GATAD2B: variants seen among roughly 807,000 people sequenced by gnomAD.
GATAD2B encodes the protein GATA zinc finger domain containing 2B.
Under a neutral mutation model 64.3 loss-of-function variants are expected in GATAD2B, and 8 were observed. The observed-to-expected ratio is 0.12, with a 90% CI of 0.07 to 0.22. The LOEUF is 0.22. Ranked by LOEUF, GATAD2B falls within the 10% of genes least tolerant of loss-of-function variation. GATAD2B has a pLI of 1.00. For synonymous variants in GATAD2B, 281 were observed against 271.3 expected (o/e 1.04, Z -0.35); for missense variants, 453 against 752.0 (o/e 0.60, Z 4.65).
At chr1:153,895,080 C>T (rs948437111) in intron 1 of GATAD2B, among the ~76,000 whole-genome samples, 3 of 151,938 alleles carry the variant, frequency 2.0e-5, no homozygotes, top group African/African-American at 7.3e-5. Flanking sequence ...ATCCCTTGAA[C>T]CTAGGAGGCA....
chr1:153,813,543 G>A, intron 7 of GATAD2B, 91 bp from the exon 8 acceptor site: 1 of 851,040 alleles, frequency 1.2e-6, no homozygotes, highest in Non-Finnish European at 1.9e-6. Context: ...AGTTTATTCT[G>A]TTGAATTAAA....
At chr1:153,848,241 C>T (rs1388692305) in intron 1 of GATAD2B, among the ~76,000 whole-genome samples, 14 of 152,202 alleles carry the variant, frequency 9.2e-5, no homozygotes, top group Admixed American at 8.5e-4. Context: ...TACTCATTGT[C>T]TCTTTCTTCT....
At chr1:153,916,836 T>C (rs1678280573) in intron 1 of GATAD2B, among the ~76,000 whole-genome samples, 2 of 152,082 alleles carry the variant, frequency 1.3e-5, no homozygotes, top group African/African-American at 4.8e-5. Context: ...TGAGAGAGAG[T>C]CTCACTCTGT....
chr1:153,823,950 G>A (rs930397596), intron 2 of GATAD2B, among the ~76,000 whole-genome samples: 1 of 150,212 alleles, frequency 6.7e-6, no homozygotes, highest in Admixed American at 6.6e-5. Context: ...GGCTGGTCTC[G>A]AACTCCTGAC....
intron 1 of GATAD2B, among the ~76,000 whole-genome samples, chr1:153,919,164 A>G (rs1678355889): frequency 6.6e-6 from 1 of 152,196 alleles, no homozygotes; most frequent in Admixed American, 6.5e-5. Context: ...ATATCTCAAA[A>G]GTAACGAATG....
intron 2 of GATAD2B, among the ~76,000 whole-genome samples, chr1:153,823,184 A>G (rs1570933638): frequency 6.6e-6 from 1 of 152,210 alleles, no homozygotes; most frequent in East Asian, 1.9e-4. Flanking sequence ...AAACATATAT[A>G]TAATTTACAA....
Position 153,849,132 on chromosome 1 carries a change from G to A in GATAD2B, c.-1-20784C>T, listed in dbSNP as rs183996461. Among the ~76,000 whole-genome samples, 12 of 152,292 alleles carry A rather than the reference G, an allele frequency of 7.9e-5. No homozygotes were observed. The East Asian group carries it at 1.7e-3, about 22-fold the overall frequency. On this transcript the variant is annotated intron_variant, in intron 1 of 10. Coordinates refer to ENST00000368655, the MANE Select transcript of GATAD2B (RefSeq NM_020699.4). ...ATCCCAGGTAGCTGGGGCTATGGGT[G>A]TATGTCACCGTACCCAGCTTTGGGC... is the stretch of plus-strand genomic sequence containing the variant.
chr1:153,840,853 C>T (rs60341318), intron 1 of GATAD2B, among the ~76,000 whole-genome samples: 8,030 of 151,992 alleles, frequency 0.053, 366 homozygotes, highest in South Asian at 0.17. Flanking sequence ...AGGCCGGGCA[C>T]GGTGGCTCAC....
chr1:153,844,091 AGCAGAGAAAGCT>A (rs1159539339), intron 1 of GATAD2B, among the ~76,000 whole-genome samples: 2 of 152,230 alleles, frequency 1.3e-5, no homozygotes, highest in Non-Finnish European at 2.9e-5. Flanking sequence ...AGAGTATCAC[AGCAGAGAAAGCT>A]GCAGAGAAAG....
intron 1 of GATAD2B, among the ~76,000 whole-genome samples, chr1:153,841,481 A>G (rs945477287): frequency 6.6e-6 from 1 of 152,188 alleles, no homozygotes; most frequent in Non-Finnish European, 1.5e-5. Flanking sequence ...TAACTCCTAG[A>G]AGCCACTAAT....
chr1:153,824,312 C>T (rs1388771689), intron 2 of GATAD2B, among the ~76,000 whole-genome samples: 1 of 151,962 alleles, frequency 6.6e-6, no homozygotes, highest in Admixed American at 6.6e-5. Context: ...TTAAAAATCA[C>T]CCCAAAATAA....
rs1358158324 is a variant in GATAD2B at position 153,852,120 on chromosome 1, T to C, written c.-1-23772A>G. On this transcript the variant is annotated intron_variant, in intron 1 of 10. Coordinates refer to ENST00000368655, the MANE Select transcript of GATAD2B (RefSeq NM_020699.4). The stretch of plus-strand genomic sequence containing the variant: ...AAGTTTAATGAGTTTTGTGCTCAGA[T>C]CGCTGGGCCTCCTGGCTGCTCTTGT... 7.7e-6 allele frequency: 5 copies of C among 646,990 alleles called. No individual in the cohort carries two copies. The African/African-American group carries it at 9.1e-5, about 12-fold the overall frequency. The allele number at this position is 646,990 out of a possible 1,614,324, so 40.1% of individuals were successfully genotyped here.
Position 153,816,084 on chromosome 1 carries a change from AC to A in GATAD2B, c.1216+188del, listed in dbSNP as rs1674472126. Among the ~76,000 whole-genome samples the A allele has an allele frequency of 6.6e-6, 1 of 151,830 alleles. No individual in the cohort carries two copies. The highest frequency in any genetic ancestry group is 1.5e-5 in the Non-Finnish European group (1 of 67,936). The stretch of plus-strand genomic sequence containing the variant: ...AACACACACACACACACACACACAC[AC>A]ACACACACACACACACTCCGCTTCT... On this transcript the variant is annotated intron_variant, in intron 7 of 10. Transcript: ENST00000368655. This position sits in a 1 kb window ranked among gnomAD's most constrained non-coding sequence, Gnocchi z 4.9.
chr1:153,846,271 C>T (rs1397573540), intron 1 of GATAD2B, among the ~76,000 whole-genome samples: 3 of 152,144 alleles, frequency 2.0e-5, no homozygotes, highest in Non-Finnish European at 4.4e-5. Context: ...CTCACTCTGT[C>T]ACCCAGGCTG....
rs1325268939 is a variant in GATAD2B at position 153,807,329 on chromosome 1, G to A, written c.*2848C>T. 1 of 152,058 alleles carries A rather than the reference G, an allele frequency of 6.6e-6. No individual in the cohort carries two copies. The highest frequency in any genetic ancestry group is 2.4e-5 in the African/African-American group (1 of 41,352). The allele number at this position is 152,058 out of a possible 1,614,324, so 9.4% of individuals were successfully genotyped here. A position where few individuals can be genotyped will look rare whatever the true frequency, so the allele number is the denominator to read the frequency against. ...AACAAGTAGACTTGGAGGGACACAAGGCAATCAGTGATGAAAAAAAAGAGA... is the reference window on the plus strand; with the variant it reads ...AACAAGTAGACTTGGAGGGACACAAAGCAATCAGTGATGAAAAAAAAGAGA... On this transcript the variant is annotated 3_prime_UTR_variant, in exon 11 of 11. Coordinates refer to ENST00000368655, the MANE Select transcript of GATAD2B (RefSeq NM_020699.4).
intron 1 of GATAD2B, among the ~76,000 whole-genome samples, chr1:153,863,999 AAAAC>A (rs546449255): frequency 5.9e-5 from 9 of 152,312 alleles, no homozygotes; most frequent in Non-Finnish European, 1.0e-4. Context: ...ATATGAAAGA[AAAAC>A]AAAAAATTCT....
At chr1:153,819,582 A>G (rs1674602840) in intron 3 of GATAD2B, 24 bp downstream of exon 3, 1 of 1,537,352 alleles carries the variant, frequency 6.5e-7, no homozygotes, top group East Asian at 2.3e-5. Context: ...TAACAAGAAG[A>G]AAGAAATTTT....
intron 1 of GATAD2B, among the ~76,000 whole-genome samples, chr1:153,886,259 G>A (rs1434370723): frequency 6.6e-6 from 1 of 152,180 alleles, no homozygotes; most frequent in African/African-American, 2.4e-5. Flanking sequence ...TGTGAACATT[G>A]TAAAGTGTAT....
chr1:153,822,796 CTCTTT>C (rs1378075030), intron 2 of GATAD2B, among the ~76,000 whole-genome samples: 1 of 152,128 alleles, frequency 6.6e-6, no homozygotes, highest in Non-Finnish European at 1.5e-5. Flanking sequence ...CGCGTCCAGC[CTCTTT>C]TCTTGTATTT....
Sources: gnomAD v4.1 joint callset for allele counts (sites outside exome capture counted in the v4.1 genomes callset) on GRCh38, gnomAD v4.1.1 for gene constraint, Gnocchi (gnomAD v3.1) non-coding constraint, MANE v1.5 for transcripts, NCBI Gene and HGNC (gene_info 2026-07-23, HGNC 2026-07-21) for gene names.